KIFAP3: variants seen among roughly 807,000 people sequenced by gnomAD.
KIFAP3 encodes kinesin associated protein 3, also known as kinesin-associated protein 3.
Under a neutral mutation model 106.5 loss-of-function variants are expected in KIFAP3, and 68 were observed. The observed-to-expected ratio is 0.64, with a 90% CI of 0.53 to 0.78. The LOEUF (loss-of-function observed/expected upper bound fraction) is 0.78, where lower values mean the gene tolerates loss of function less well. Ranked by LOEUF, KIFAP3 falls within the 30% of genes least tolerant of loss-of-function variation. KIFAP3 has a pLI of 0.00. For missense variants in KIFAP3, 780 were observed against 941.8 expected (o/e 0.83, Z 2.25); for synonymous variants, 320 against 311.5 (o/e 1.03, Z -0.29).
intron 17 of KIFAP3, among the ~76,000 whole-genome samples, chr1:169,970,052 G>C (rs1665824799): frequency 6.6e-6 from 1 of 151,990 alleles, no homozygotes; most frequent in Non-Finnish European, 1.5e-5. Flanking sequence ...ATCTAATTGA[G>C]TTTTTAGAAG....
At chr1:170,064,443 TC>T (rs1208811612) in intron 1 of KIFAP3, among the ~76,000 whole-genome samples, 1 of 152,204 alleles carries the variant, frequency 6.6e-6, no homozygotes, top group Non-Finnish European at 1.5e-5. Context: ...CAGCCTTGCC[TC>T]CCAGGCTCAG....
chr1:169,982,870 G>C lies in KIFAP3; in HGVS notation c.1507-3C>G, dbSNP rs757343362. ...GCTGCAAGGTCCCCAACATAATCCT[G>C]AATAAAACATAATTTTAATATAAAT... On this transcript the variant is annotated splice_polypyrimidine_tract_variant and splice_region_variant and intron_variant, in intron 13 of 19. Transcript: ENST00000361580. 3 of 1,364,958 alleles carry C rather than the reference G, an allele frequency of 2.2e-6. No homozygotes were observed. Among genetic ancestry groups the C allele is most frequent in the Admixed American group, 5.5e-5 (2 of 36,686 alleles). 84.6% of individuals were successfully genotyped at this position (1,364,958 alleles called of 1,614,324 possible).
intron 19 of KIFAP3, among the ~76,000 whole-genome samples, chr1:169,933,620 T>C (rs1377110273): frequency 6.6e-6 from 1 of 152,042 alleles, no homozygotes; most frequent in Non-Finnish European, 1.5e-5. Context: ...TGTAGAAATA[T>C]ATGACAATTG....
chr1:169,933,638 G>C (rs1188309434), intron 19 of KIFAP3, among the ~76,000 whole-genome samples: 1 of 151,996 alleles, frequency 6.6e-6, no homozygotes, highest in Non-Finnish European at 1.5e-5. Flanking sequence ...TTGTTTATCT[G>C]ACTTGTAAGA....
intron 8 of KIFAP3, among the ~76,000 whole-genome samples, chr1:170,031,270 G>A (rs917386850): frequency 6.6e-6 from 1 of 151,604 alleles, no homozygotes; most frequent in African/African-American, 2.4e-5. Flanking sequence ...ATCTTCACAG[G>A]ATGAAAATAT....
upstream of KIFAP3, chr1:170,074,753 G>C (rs1417309276): frequency 7.7e-7 from 1 of 1,306,832 alleles, no homozygotes; most frequent in Non-Finnish European, 9.8e-7. Context: ...CGCAGGCTCA[G>C]TCTGAGGCGG....
chr1:169,931,233 T>G (rs1663458816), intron 19 of KIFAP3, among the ~76,000 whole-genome samples: 2 of 152,202 alleles, frequency 1.3e-5, no homozygotes, highest in African/African-American at 4.8e-5. Flanking sequence ...TTTATTATTA[T>G]TTATCTGCAT....
At chr1:169,943,480 A>T (rs1299049176) in intron 19 of KIFAP3, among the ~76,000 whole-genome samples, 2 of 152,150 alleles carry the variant, frequency 1.3e-5, no homozygotes, top group African/African-American at 4.8e-5. Flanking sequence ...TATTTAAAGG[A>T]AATAAAAGAT....
chr1:170,037,191 C>T (rs1391099754), intron 5 of KIFAP3, among the ~76,000 whole-genome samples: 1 of 152,050 alleles, frequency 6.6e-6, no homozygotes. Flanking sequence ...ACAGTACCTG[C>T]CACAGAATAA....
At chr1:169,921,883 G>T in intron 19 of KIFAP3, 102 bp from the exon 20 acceptor site, 1 of 833,340 alleles carries the variant, frequency 1.2e-6, no homozygotes, top group Non-Finnish European at 1.9e-6. Context: ...TCTCTTCCTA[G>T]CAGGGATAGT....
rs757933044 is a variant in KIFAP3, at chr1:170,055,404, G to A, written c.65C>T (p.Pro22Leu). Residue 22 changes from proline to leucine, a missense_variant, in exon 2 of 20, where the codon CCA becomes CTA. Transcript: ENST00000361580. ...KVKGGNIDVHPSEKALIVHYE... is the reference protein window; with the variant it reads ...KVKGGNIDVHLSEKALIVHYE... ...GTGAACAATGAGTGCTTTTTCTGAT[G>A]GATGTACATCTATATTCCCTCCTTT... is the stretch of plus-strand genomic sequence containing the variant. 6.2e-7 allele frequency: 1 copy of A among 1,605,558 alleles called. No homozygotes were observed. Among genetic ancestry groups the A allele is most frequent in the South Asian group, 1.1e-5 (1 of 90,402 alleles).
chr1:170,060,679 C>A (rs1387351232), intron 1 of KIFAP3, among the ~76,000 whole-genome samples: 1 of 152,094 alleles, frequency 6.6e-6, no homozygotes, highest in Non-Finnish European at 1.5e-5. Context: ...TCACATGGAA[C>A]CAAAAAACAG....
intron 9 of KIFAP3, 92 bp from the exon 10 acceptor site, chr1:170,016,716 G>T: frequency 1.4e-6 from 1 of 711,498 alleles, no homozygotes; most frequent in Non-Finnish European, 2.2e-6. Context: ...TTACCCTAAT[G>T]TATATCTGTT....
chr1:170,039,272 T>A lies in KIFAP3; in HGVS notation c.336A>T (p.Ser112=). 6.9e-6 allele frequency: 11 copies of A among 1,598,924 alleles called. No homozygotes were observed. The South Asian group carries it at 1.2e-4, about 18-fold the overall frequency. The change falls in exon 4 of 20, where the codon TCA becomes TCT. Residue 112 remains serine, a synonymous_variant. Transcript: ENST00000361580. ...SLSGKEKKEK[S]SKPKDPPPFE... ...AAGGAGGTGGATCTTTAGGCTTGCT[T>A]GATTTTTCTTTTTTCTCTGTAAAAA... is the stretch of plus-strand genomic sequence containing the variant.
At chr1:170,005,841 A>G (rs928711150) in intron 10 of KIFAP3, among the ~76,000 whole-genome samples, 1 of 151,358 alleles carries the variant, frequency 6.6e-6, no homozygotes. Context: ...CATGTACCCT[A>G]AAACTTAAAG....
chr1:169,970,201 C>T (rs992903010), intron 17 of KIFAP3, among the ~76,000 whole-genome samples: 3 of 152,032 alleles, frequency 2.0e-5, no homozygotes, highest in African/African-American at 7.2e-5. Flanking sequence ...TCTCTCCTTG[C>T]CTTCCTGCTC....
intron 1 of KIFAP3, among the ~76,000 whole-genome samples, chr1:170,073,871 T>G (rs1158668142): frequency 6.6e-6 from 1 of 152,212 alleles, no homozygotes; most frequent in Non-Finnish European, 1.5e-5. Flanking sequence ...TTACTAAATG[T>G]CCTACAAAAA....
intron 10 of KIFAP3, among the ~76,000 whole-genome samples, chr1:169,996,964 C>T (rs140546621): frequency 1.3e-5 from 2 of 152,264 alleles, no homozygotes; most frequent in East Asian, 3.9e-4. Context: ...ACTAGACCTA[C>T]AGCAGCCTAA....
chr1:170,038,347 C>A lies in KIFAP3; in HGVS notation c.460G>T (p.Ala154Ser), dbSNP rs752525510. The A allele has an allele frequency of 5.6e-6, 9 of 1,610,064 alleles. No individual in the cohort carries two copies. In the South Asian group the frequency reaches 1.0e-4, roughly 18 times the overall value. The change falls in exon 5 of 20, where the codon GCT becomes TCT. Residue 154 changes from alanine (A) to serine (S), a missense_variant. Ala to Ser is a moderately conservative substitution (Grantham distance 99). Transcript: ENST00000361580. Reference protein sequence around the residue: ...EDIPDKVRGSALILQLARNPD... With the variant: ...EDIPDKVRGSSLILQLARNPD... Reference sequence around the variant, plus strand: ...TTTCGAGCAAGCTGCAGGATCAAAGCAGAACCCCGAACTTTGTCAGGAATA... The same window carrying A: ...TTTCGAGCAAGCTGCAGGATCAAAGAAGAACCCCGAACTTTGTCAGGAATA...
Sources: allele counts gnomAD v4.1 joint callset (sites outside exome capture counted in the v4.1 genomes callset), GRCh38; gene constraint gnomAD v4.1.1; transcripts MANE v1.5; gene names NCBI Gene and HGNC (gene_info 2026-07-23, HGNC 2026-07-21).